PARG: variants seen among roughly 807,000 people sequenced by gnomAD.
The protein encoded by PARG is poly(ADP-ribose) glycohydrolase.
PARG carries 35 observed loss-of-function variants against 113.0 expected under a neutral mutation model. The observed-to-expected ratio is 0.31, with a 90% CI of 0.24 to 0.41. The LOEUF is 0.41. Among genes scored for constraint, PARG ranks in the 10% least tolerant of loss-of-function variants. The pLI is 1.00. For synonymous variants in PARG, 330 were observed against 409.9 expected, an observed-to-expected ratio of 0.81 and a Z score of 2.36; for missense variants, 797 against 1,169.4, an observed-to-expected ratio of 0.68 and a Z score of 4.64.
chr10:49,819,652 A>G (rs1310655572), intron 17 of PARG, among the ~76,000 whole-genome samples, 158 bp from the exon 18 acceptor site: 3 of 152,244 alleles, frequency 2.0e-5, no homozygotes, highest in African/African-American at 7.2e-5. Flanking sequence ...GGCTTTCCCA[A>G]CATAAATTAA....
intron 17 of PARG, 99 bp downstream of exon 17, chr10:49,820,066 C>T (rs916925642): frequency 1.2e-6 from 1 of 809,772 alleles, no homozygotes; most frequent in African/African-American, 1.7e-5. Context: ...GCTTTTGTTT[C>T]TTCGTACCCA....
At chr10:49,897,557 T>C (rs1158409794) in intron 7 of PARG, among the ~76,000 whole-genome samples, 45 of 152,242 alleles carry the variant, frequency 3.0e-4, no homozygotes, top group African/African-American at 9.9e-4. Flanking sequence ...GGCCCCCCAG[T>C]ACTAAGCATA....
At chr10:49,826,001 T>C (rs1164782143) in intron 16 of PARG, among the ~76,000 whole-genome samples, 5 of 152,204 alleles carry the variant, frequency 3.3e-5, no homozygotes, top group African/African-American at 1.2e-4. Flanking sequence ...ATCTCAAATC[T>C]GAAAATCTGA....
chr10:49,897,106 T>C (rs2132720588), intron 7 of PARG, among the ~76,000 whole-genome samples: 1 of 152,310 alleles, frequency 6.6e-6, no homozygotes, highest in East Asian at 1.9e-4. Context: ...CTGTTGCTTG[T>C]TTGCTACTGT....
At chr10:49,850,419 A>G (rs1554834042) in intron 13 of PARG, among the ~76,000 whole-genome samples, 1 of 151,814 alleles carries the variant, frequency 6.6e-6, no homozygotes, top group Admixed American at 6.6e-5. Flanking sequence ...CAAGTAAAAA[A>G]TTCATTCAAA....
chr10:49,916,021 C>G, intron 6 of PARG, 30 bp from the exon 7 acceptor site: 1 of 1,191,664 alleles, frequency 8.4e-7, no homozygotes, highest in South Asian at 1.3e-5. Context: ...AAAAAAACGT[C>G]ATGGTATGGC....
chr10:49,833,035 G>C (rs1226269228), intron 15 of PARG, 127 bp from the exon 16 acceptor site: 1 of 493,950 alleles, frequency 2.0e-6, no homozygotes, highest in Admixed American at 3.9e-5. Context: ...TTTCCATAGG[G>C]GCCAAAATAG....
rs1846531717 is a variant in PARG, at chr10:49,866,726, T to C, written c.2069-1345A>G. ...CAAAAATGCCTTGAGAGCACGTCTG[T>C]TAGCATTTTTTCGTAACAAGGCAAC... On this transcript the variant is annotated intron_variant, in intron 10 of 17. Transcript: ENST00000616448. 2.6e-5 allele frequency among the ~76,000 whole-genome samples: 4 copies of C among 152,124 alleles called. No individual in the cohort carries two copies. The South Asian group carries it at 8.3e-4, about 32-fold the overall frequency.
intron 1 of PARG, among the ~76,000 whole-genome samples, chr10:49,938,707 G>A (rs1447097237): frequency 6.6e-6 from 1 of 151,966 alleles, no homozygotes; most frequent in Non-Finnish European, 1.5e-5. Flanking sequence ...AAGTAGCTGG[G>A]ACTACAGGTG....
chr10:49,923,586 G>A (rs1265437223), intron 4 of PARG, among the ~76,000 whole-genome samples: 1 of 152,052 alleles, frequency 6.6e-6, no homozygotes, highest in African/African-American at 2.4e-5. Flanking sequence ...AGGAATGTCA[G>A]ACAACCCTCA....
rs550434224 is a variant in PARG, at chr10:49,826,022, C to T, written c.2648-5729G>A. ...AATCTGAAAATCTGAAATTGAAATGCTCCAAAGAGCATTACCTTTGAGCAT... is the reference window on the plus strand; with the variant it reads ...AATCTGAAAATCTGAAATTGAAATGTTCCAAAGAGCATTACCTTTGAGCAT... On this transcript the variant is annotated intron_variant, in intron 16 of 17. Coordinates refer to ENST00000616448, the MANE Select transcript of PARG (RefSeq NM_003631.5). 5.9e-5 allele frequency among the ~76,000 whole-genome samples: 9 copies of T among 152,242 alleles called. No individual in the cohort carries two copies. In the South Asian group the frequency reaches 1.7e-3, roughly 28 times the overall value.
chr10:49,913,980 T>C (rs1231089554), intron 7 of PARG, among the ~76,000 whole-genome samples: 7 of 152,084 alleles, frequency 4.6e-5, no homozygotes, highest in African/African-American at 1.7e-4. Context: ...AAAACCATCA[T>C]CAGCACCTGA....
At chr10:49,833,190 T>C (rs191351100) in intron 15 of PARG, 18 of 197,770 alleles carry the variant, frequency 9.1e-5, no homozygotes, top group Admixed American at 6.6e-4. Context: ...AATTTATTTT[T>C]CCACTTCAAA....
chr10:49,885,426 C>T, intron 7 of PARG, 131 bp from the exon 8 acceptor site: 1 of 625,772 alleles, frequency 1.6e-6, no homozygotes, highest in Non-Finnish European at 2.9e-6. Flanking sequence ...ACCCTATCAG[C>T]ATCACCAAAC....
chr10:49,824,925 T>C (rs1844277609), intron 16 of PARG, among the ~76,000 whole-genome samples: 1 of 152,120 alleles, frequency 6.6e-6, no homozygotes, highest in Admixed American at 6.5e-5. Context: ...CAATCCACCC[T>C]GGTCAACTCC....
rs905475351 is a variant in PARG, at chr10:49,819,333, C to T, written c.*7G>A. The T allele has an allele frequency of 2.9e-5, 45 of 1,548,374 alleles. No individual in the cohort carries two copies. Among genetic ancestry groups the T allele is most frequent in the Non-Finnish European group, 3.5e-5 (40 of 1,145,404 alleles). ...GAGGTGGGAGGAGATGCTATTCGCT[C>T]GGCTCCTCAGGTCCCTGTCCTTTGC... On this transcript the variant is annotated 3_prime_UTR_variant, in exon 18 of 18. Transcript: ENST00000616448.
chr10:49,838,514 T>C (rs1845065499), intron 15 of PARG, among the ~76,000 whole-genome samples: 1 of 151,164 alleles, frequency 6.6e-6, no homozygotes, highest in Admixed American at 6.6e-5. Context: ...TGGCCAGCTA[T>C]GTGACCTGGC....
intron 6 of PARG, among the ~76,000 whole-genome samples, chr10:49,920,254 AAC>A (rs1454436691): frequency 6.6e-6 from 1 of 151,354 alleles, no homozygotes; most frequent in Non-Finnish European, 1.5e-5. Flanking sequence ...CAGCCTAGGG[AAC>A]ACAGAGAAAC....
intron 12 of PARG, among the ~76,000 whole-genome samples, chr10:49,861,156 C>A (rs1207924915): frequency 3.3e-5 from 5 of 152,158 alleles, no homozygotes; most frequent in African/African-American, 1.2e-4. Flanking sequence ...TCAACCTAAA[C>A]AAAGCTGTTG....
Sources: gnomAD v4.1 joint callset for allele counts (sites outside exome capture counted in the v4.1 genomes callset) on GRCh38, gnomAD v4.1.1 for gene constraint, MANE v1.5 for transcripts, NCBI Gene and HGNC (gene_info 2026-07-23, HGNC 2026-07-21) for gene names.